Variants in NEK8 observed in about 807,000 individuals in gnomAD.
The protein encoded by NEK8 is serine/threonine-protein kinase Nek8.
A neutral mutation model predicts 77.2 loss-of-function variants in NEK8; 51 were observed. The ratio of observed to expected loss-of-function variants is 0.66; its 90% CI spans 0.53 to 0.83. The LOEUF (loss-of-function observed/expected upper bound fraction) is 0.83, where lower values mean the gene tolerates loss of function less well. Ranked by LOEUF, NEK8 falls within the 40% of genes least tolerant of loss-of-function variation. The pLI, the probability that NEK8 is intolerant of heterozygous loss-of-function variation, is 0.00. For missense variants in NEK8, 787 were observed against 909.2 expected (o/e 0.87, Z 1.73); for synonymous variants, 365 against 363.2 (o/e 1.00, Z -0.06).
chr17:28,730,655 G>A (rs997067253), intron 1 of NEK8, among the ~76,000 whole-genome samples: 4 of 152,150 alleles, frequency 2.6e-5, no homozygotes, highest in Admixed American at 6.5e-5. Context: ...AGTGGCTCAC[G>A]CCTATAATCC....
Position 28,737,550 on chromosome 17 carries a change from G to A in NEK8, c.827+36G>A, listed in dbSNP as rs777832475. 1 of 1,612,792 alleles carries A rather than the reference G, an allele frequency of 6.2e-7. No homozygotes were observed. The highest frequency in any genetic ancestry group is 8.5e-7 in the Non-Finnish European group (1 of 1,179,488). On this transcript the variant is annotated intron_variant, in intron 5 of 14. Coordinates refer to ENST00000268766, the MANE Select transcript of NEK8 (RefSeq NM_178170.3). This position sits in a 1 kb window ranked among gnomAD's most constrained non-coding sequence, Gnocchi z 4.8. ...GGACAGCGAGCGGTCCTGGGCGGCAGGGTGTGGGCACCCAGTGGGAGCACA... is the reference window on the plus strand; with the variant it reads ...GGACAGCGAGCGGTCCTGGGCGGCAAGGTGTGGGCACCCAGTGGGAGCACA...
intron 1 of NEK8, among the ~76,000 whole-genome samples, chr17:28,729,407 G>A (rs1364690590): frequency 6.6e-6 from 1 of 152,172 alleles, no homozygotes; most frequent in Non-Finnish European, 1.5e-5. Flanking sequence ...CCCGGCTGGA[G>A]TTCAGTGGCA....
In NEK8 at chr17:28,728,858, C is replaced by T. The variant is rs960685097; in HGVS notation, c.45C>T (p.Phe15=). The part of the protein sequence containing the change: ...ERIRVVGRGA[F]GIVHLCLRKA... Reference sequence around the variant, plus strand: ...TCCGAGTGGTGGGGAGAGGTGCCTTCGGGTGAGCCAGGGCTCTGGGGGAGG... The same window carrying T: ...TCCGAGTGGTGGGGAGAGGTGCCTTTGGGTGAGCCAGGGCTCTGGGGGAGG... Residue 15 remains phenylalanine, a splice_region_variant and synonymous_variant, in exon 1 of 15, where the codon TTC becomes TTT. Coordinates refer to ENST00000268766, the MANE Select transcript of NEK8 (RefSeq NM_178170.3). 2.8e-5 allele frequency: 43 copies of T among 1,550,770 alleles called. No individual in the cohort carries two copies. The highest frequency in any genetic ancestry group is 4.1e-5 in the African/African-American group (3 of 73,046).
chr17:28,734,840 T>A lies in NEK8; in HGVS notation c.322T>A (p.Phe108Ile). 1 of 1,613,846 alleles carries A rather than the reference T, an allele frequency of 6.2e-7. No individual in the cohort carries two copies. Among genetic ancestry groups the A allele is most frequent in the Non-Finnish European group, 8.5e-7 (1 of 1,179,946 alleles). ...SLLEEETILHFFVQILLALHH... is the reference protein window; with the variant it reads ...SLLEEETILHIFVQILLALHH... ...GCTGGAGGAGGAGACCATCCTGCACTTCTTCGTGCAGATCCTGCTTGCACT... is the reference window on the plus strand; with the variant it reads ...GCTGGAGGAGGAGACCATCCTGCACATCTTCGTGCAGATCCTGCTTGCACT... Residue 108 changes from phenylalanine (F) to isoleucine (I), a missense_variant, in exon 3 of 15, where the codon TTC (phenylalanine) becomes ATC (isoleucine). Phe to Ile is a conservative substitution (Grantham distance 21, BLOSUM62 0). This residue lies in a region of NEK8 where 271 missense variants were observed against 365.1 expected (regional missense o/e 0.74). Transcript: ENST00000268766.
chr17:28,742,078 G>A lies in NEK8; in HGVS notation c.*91G>A. ...GGTGCCCAAGGCATGACTTGCAGCT[G>A]TCTCCTGGATTGTGTCATCATGGGG... On this transcript the variant is annotated 3_prime_UTR_variant, in exon 15 of 15. Transcript: ENST00000268766. 1.6e-6 allele frequency: 2 copies of A among 1,265,420 alleles called. No homozygotes were observed. The highest frequency in any genetic ancestry group is 2.3e-5 in the East Asian group (1 of 43,394). The allele number at this position is 1,265,420 out of a possible 1,614,324, so 78.4% of individuals were successfully genotyped here.
In NEK8 at chr17:28,741,749, C is replaced by A. The variant is rs1201313758; in HGVS notation, c.2050+178C>A. On this transcript the variant is annotated intron_variant, in intron 14 of 14. Transcript: ENST00000268766. This position sits in a 1 kb window ranked among gnomAD's most constrained non-coding sequence, Gnocchi z 4.5. Reference sequence around the variant, plus strand: ...CTGCCTGGGGTGGCCAAGGCTGGTGCTTCTTGGGCCTCATGGAAGGGCTGC... The same window carrying A: ...CTGCCTGGGGTGGCCAAGGCTGGTGATTCTTGGGCCTCATGGAAGGGCTGC... Among the ~76,000 whole-genome samples the A allele has an allele frequency of 6.6e-6, 1 of 152,200 alleles. No homozygotes were observed. The highest frequency in any genetic ancestry group is 1.5e-5 in the Non-Finnish European group (1 of 68,032).
chr17:28,734,263 C>A, intron 2 of NEK8, 75 bp downstream of exon 2: 1 of 1,338,368 alleles, frequency 7.5e-7, no homozygotes, highest in Non-Finnish European at 1.1e-6. Flanking sequence ...GATCTCCTGG[C>A]TTCCCTCCTT....
chr17:28,738,080 C>A lies in NEK8; in HGVS notation c.1072-15C>A. 6.2e-7 allele frequency: 1 copy of A among 1,612,808 alleles called. No individual in the cohort carries two copies. Among genetic ancestry groups the A allele is most frequent in the Non-Finnish European group, 8.5e-7 (1 of 1,179,564 alleles). On this transcript the variant is annotated splice_polypyrimidine_tract_variant and intron_variant, in intron 7 of 14. Coordinates refer to ENST00000268766, the MANE Select transcript of NEK8 (RefSeq NM_178170.3). ...TTGGGGTGCTCAGGCGCTGCCCATC[C>A]CCCTGCCCCTGCAGGCCCCACCCCT...
chr17:28,740,735 C>G lies in NEK8; in HGVS notation c.1569-87C>G, dbSNP rs1262642098. ...GAGGGGGTTGAGGGTGCTATTGGTT[C>G]AACCCAGGGTGGGATCTGTCTCCTG... On this transcript the variant is annotated intron_variant, in intron 11 of 14. Coordinates refer to ENST00000268766, the MANE Select transcript of NEK8 (RefSeq NM_178170.3). The surrounding 1 kb of genome is among the most constrained non-coding windows in gnomAD (Gnocchi z 4.7). The G allele has an allele frequency of 2.5e-6, 4 of 1,586,698 alleles. No individual in the cohort carries two copies. The highest frequency in any genetic ancestry group is 2.0e-4 in the Middle Eastern group (1 of 4,928).
At position 28,734,921 on chromosome 17, in the gene NEK8, C is replaced by T. The variant is rs2034347865; in HGVS notation, c.403C>T (p.Leu135=). 1 of 1,613,904 alleles carries T rather than the reference C, an allele frequency of 6.2e-7. No homozygotes were observed. The highest frequency in any genetic ancestry group is 1.1e-5 in the South Asian group (1 of 91,072). The change falls in exon 3 of 15, where the codon CTG becomes TTG. Residue 135 remains leucine (L), a synonymous_variant. Transcript: ENST00000268766. ...CCGAGACCTCAAGACCCAGAACATCCTGCTTGACAAACACCGCATGGTCGT... is the reference window on the plus strand; with the variant it reads ...CCGAGACCTCAAGACCCAGAACATCTTGCTTGACAAACACCGCATGGTCGT... The part of the protein sequence containing the change: ...LHRDLKTQNI[L]LDKHRMVVKI...
At position 28,741,432 on chromosome 17, in the gene NEK8, G is replaced by A. The variant is rs1425044885; in HGVS notation, c.1911G>A (p.Trp637Ter). Residue 637 changes from tryptophan (W) to a stop codon, truncating the protein, a stop_gained, in exon 14 of 15, where the codon TGG becomes TGA. Coordinates refer to ENST00000268766, the MANE Select transcript of NEK8 (RefSeq NM_178170.3). LOFTEE classifies it high-confidence loss of function. The surrounding 1 kb of genome is among the most constrained non-coding windows in gnomAD (Gnocchi z 4.5). The stretch of plus-strand genomic sequence containing the variant: ...TGGCAGAGAGCGAAGTGTACTCTTG[G>A]GGCAAAGGGGCGCGAGGTCGATTGG... ...AIGAESEVYS[W>*]GKGARGRLGR... 2 of 1,614,102 alleles carry A rather than the reference G, an allele frequency of 1.2e-6. No individual in the cohort carries two copies. The highest frequency in any genetic ancestry group is 2.2e-5 in the South Asian group (2 of 91,086).
chr17:28,730,442 T>G (rs2034295982), intron 1 of NEK8, among the ~76,000 whole-genome samples: 1 of 152,046 alleles, frequency 6.6e-6, no homozygotes, highest in Non-Finnish European at 1.5e-5. Flanking sequence ...CTGGCTAATT[T>G]TTTGTATTTT....
intron 1 of NEK8, among the ~76,000 whole-genome samples, chr17:28,731,187 A>C (rs2034302562): frequency 6.6e-6 from 1 of 152,032 alleles, no homozygotes; most frequent in South Asian, 2.1e-4. Flanking sequence ...CAGTGAGCTG[A>C]GACTGTGCCA....
At chr17:28,733,397 C>G (rs2034328857) in intron 1 of NEK8, among the ~76,000 whole-genome samples, 1 of 152,136 alleles carries the variant, frequency 6.6e-6, no homozygotes, top group Non-Finnish European at 1.5e-5. Flanking sequence ...AAATTTGAGA[C>G]TTAGATCAGC....
intron 1 of NEK8, among the ~76,000 whole-genome samples, chr17:28,731,416 G>A (rs1333320278): frequency 1.3e-5 from 2 of 151,764 alleles, no homozygotes; most frequent in Non-Finnish European, 2.9e-5. Context: ...GCACGCGCCT[G>A]TAGTCCCAGC....
At position 28,738,670 on chromosome 17, in the gene NEK8, G is replaced by A. The variant is rs753610045; in HGVS notation, c.1223-1G>A. 2.5e-6 allele frequency: 4 copies of A among 1,613,998 alleles called. No homozygotes were observed. Among genetic ancestry groups the A allele is most frequent in the Non-Finnish European group, 2.5e-6 (3 of 1,179,848 alleles). Reference sequence around the variant, plus strand: ...TCCTTCCTCACTGCCCTTCTCCCCAGACAGAGGCATCATCATGACATTCGG... The same window carrying A: ...TCCTTCCTCACTGCCCTTCTCCCCAAACAGAGGCATCATCATGACATTCGG... On this transcript the variant is annotated splice_acceptor_variant, in intron 8 of 14. Coordinates refer to ENST00000268766, the MANE Select transcript of NEK8 (RefSeq NM_178170.3). LOFTEE classifies it high-confidence loss of function.
In NEK8 at chr17:28,742,253, A is replaced by AG; in HGVS notation, c.*267dup. 1 of 581,332 alleles carries AG rather than the reference A, an allele frequency of 1.7e-6. No homozygotes were observed. The highest frequency in any genetic ancestry group is 3.1e-6 in the Non-Finnish European group (1 of 324,430). 36.0% of individuals were successfully genotyped at this position (581,332 alleles called of 1,614,324 possible). A position where few individuals can be genotyped will look rare whatever the true frequency, so the allele number is the denominator to read the frequency against. Reference sequence around the variant, plus strand: ...TCCAGCCTGGCTAGAGTTAGAAGGCAGACCTAGCCTTTGGAAGCAGGGTGG... The same window carrying AG: ...TCCAGCCTGGCTAGAGTTAGAAGGCAGGACCTAGCCTTTGGAAGCAGGGTGG... On this transcript the variant is annotated 3_prime_UTR_variant, in exon 15 of 15. Transcript: ENST00000268766.
At chr17:28,729,036 A>G (rs990826997) in intron 1 of NEK8, among the ~76,000 whole-genome samples, 176 bp downstream of exon 1, 8 of 152,250 alleles carry the variant, frequency 5.3e-5, no homozygotes, top group African/African-American at 1.9e-4. Context: ...TACGGAGGCC[A>G]CGCCCCTGAC....
At position 28,735,370 on chromosome 17, in the gene NEK8, C is replaced by T. The variant is rs1246026075; in HGVS notation, c.617C>T (p.Ala206Val). 8 of 1,613,248 alleles carry T rather than the reference C, an allele frequency of 5.0e-6. No homozygotes were observed. The highest frequency in any genetic ancestry group is 2.2e-5 in the East Asian group (1 of 44,864). Residue 206 changes from alanine to valine, a missense_variant and splice_region_variant, in exon 4 of 15, where the codon GCG becomes GTG. Coordinates refer to ENST00000268766, the MANE Select transcript of NEK8 (RefSeq NM_178170.3). Reference sequence around the variant, plus strand: ...AGCCTCAAGAGGGCTTTCGAGGCTGCGGTGAGTGTATGCACCCTCCAGGGG... The same window carrying T: ...AGCCTCAAGAGGGCTTTCGAGGCTGTGGTGAGTGTATGCACCCTCCAGGGG... Reference protein sequence around the residue: ...LASLKRAFEAANLPALVLKIM... With the variant: ...LASLKRAFEAVNLPALVLKIM...
Sources: allele counts gnomAD v4.1 joint callset (sites outside exome capture counted in the v4.1 genomes callset), GRCh38; gene constraint gnomAD v4.1.1; regional missense constraint gnomAD v4.1.1; non-coding constraint Gnocchi (gnomAD v3.1); transcripts MANE v1.5; gene names NCBI Gene and HGNC (gene_info 2026-07-23, HGNC 2026-07-21).